RGS10: variants seen among roughly 807,000 people sequenced by gnomAD.
RGS10 encodes regulator of G protein signaling 10.
A neutral mutation model predicts 23.5 loss-of-function variants in RGS10; 11 were observed. The observed-to-expected ratio is 0.47, with a 90% confidence interval of 0.29 to 0.77. RGS10 has a LOEUF of 0.77. RGS10 is among the 30% of genes least tolerant of loss of function. RGS10 has a pLI of 0.08. For synonymous variants in RGS10, 77 were observed against 83.2 expected, an observed-to-expected ratio of 0.92 and a Z score of 0.41; for missense variants, 180 against 226.3, an observed-to-expected ratio of 0.80 and a Z score of 1.31.
intron 1 of RGS10, chr10:119,536,355 C>T: frequency 1.0e-6 from 1 of 972,080 alleles, no homozygotes; most frequent in South Asian, 1.5e-5. Flanking sequence ...CCACAGTCAC[C>T]TGTGCACCTC....
chr10:119,515,369 G>A, intron 4 of RGS10, 140 bp downstream of exon 4: 1 of 958,376 alleles, frequency 1.0e-6, no homozygotes, highest in Non-Finnish European at 1.6e-6. Context: ...CCCAACCATG[G>A]CCCCTCAGTG....
In RGS10 at chr10:119,524,452, C is replaced by G. The variant is rs11198996; in HGVS notation, c.255+1580G>C. Among the ~76,000 whole-genome samples the G allele has an allele frequency of 0.036, 5,531 of 152,220 alleles. 152 individuals carry two copies. Among genetic ancestry groups the G allele is most frequent in the East Asian group, 0.095 (493 of 5,180 alleles). ...ACCTCTAACACTCAAAAGAATAAGG[C>G]AGGGGAATGGACATCTGTTGGCTTG... On this transcript the variant is annotated intron_variant, in intron 3 of 4. Coordinates refer to ENST00000369103, the MANE Select transcript of RGS10 (RefSeq NM_001005339.2). This position sits in a 1 kb window ranked among gnomAD's most constrained non-coding sequence, Gnocchi z 5.2.
rs1422294259 is a variant in RGS10, at chr10:119,512,012, G to GCTA, written c.399+3496_399+3497insTAG. ...AGCTCTCCTTTAAACAGGGTGCATG[G>GCTA]GAGTTGGCTCATCTAGCCTGGGGCT... is the stretch of plus-strand genomic sequence containing the variant. On this transcript the variant is annotated intron_variant, in intron 4 of 4. Coordinates refer to ENST00000369103, the MANE Select transcript of RGS10 (RefSeq NM_001005339.2). 2.0e-5 allele frequency among the ~76,000 whole-genome samples: 3 copies of GCTA among 152,336 alleles called. No homozygotes were observed. The East Asian group carries it at 5.8e-4, about 29-fold the overall frequency.
intron 3 of RGS10, among the ~76,000 whole-genome samples, chr10:119,515,912 A>T (rs2133950577): frequency 6.6e-6 from 1 of 152,340 alleles, no homozygotes; most frequent in East Asian, 1.9e-4. Context: ...TTCAGAAGTG[A>T]TGACAGAAAG....
chr10:119,500,084 A>C lies in RGS10; in HGVS notation c.*29T>G, dbSNP rs1165481152. On this transcript the variant is annotated 3_prime_UTR_variant, in exon 5 of 5. Transcript: ENST00000369103. The stretch of plus-strand genomic sequence containing the variant: ...CTGAGAGGAAATTCCTTTGCTTCTT[A>C]AAGCTGCCAGTCCCGGCTTTTTGGG... The C allele has an allele frequency of 3.1e-6, 5 of 1,606,396 alleles. No homozygotes were observed. Among genetic ancestry groups the C allele is most frequent in the Non-Finnish European group, 4.2e-6 (5 of 1,177,510 alleles).
intron 4 of RGS10, among the ~76,000 whole-genome samples, chr10:119,514,215 G>A (rs973296227): frequency 5.9e-5 from 9 of 152,068 alleles, no homozygotes; most frequent in African/African-American, 2.2e-4. Context: ...AAATTAGCCG[G>A]GCGTGGTGGT....
intron 4 of RGS10, among the ~76,000 whole-genome samples, chr10:119,505,219 G>A (rs867762349): frequency 1.3e-5 from 2 of 152,118 alleles, no homozygotes; most frequent in African/African-American, 4.8e-5. Context: ...GAGGCCGCAG[G>A]TGAGTGGAAG....
At chr10:119,542,306 T>C (rs891341473) in intron 1 of RGS10, among the ~76,000 whole-genome samples, 3 of 152,138 alleles carry the variant, frequency 2.0e-5, no homozygotes, top group Non-Finnish European at 2.9e-5. Context: ...AGTTTGGAGA[T>C]TTGGGGCGCT....
At position 119,530,084 on chromosome 10, in the gene RGS10, C is replaced by G. The variant is rs565506811; in HGVS notation, c.50-2660G>C. Among the ~76,000 whole-genome samples, 5 of 152,116 alleles carry G rather than the reference C, an allele frequency of 3.3e-5. No individual in the cohort carries two copies. The South Asian group carries it at 1.0e-3, about 32-fold the overall frequency. ...TCCAGCCTGGTGACAGAGCGAGACT[C>G]CATCTGATTAAATAAATACATAAAT... On this transcript the variant is annotated intron_variant, in intron 1 of 4. Transcript: ENST00000369103.
Position 119,527,652 on chromosome 10 carries a change from G to A in RGS10, c.50-228C>T, listed in dbSNP as rs1398906340. ...TACAGATGGGGGTAAACTGAGGCTC[G>A]GAGGGATGAAGGGACCTGCTGTTTC... On this transcript the variant is annotated intron_variant, in intron 1 of 4. Coordinates refer to ENST00000369103, the MANE Select transcript of RGS10 (RefSeq NM_001005339.2). The surrounding 1 kb of genome is among the most constrained non-coding windows in gnomAD (Gnocchi z 4.2). Among the ~76,000 whole-genome samples the A allele has an allele frequency of 6.6e-5, 10 of 152,196 alleles. No homozygotes were observed. The highest frequency in any genetic ancestry group is 3.4e-3 in the Middle Eastern group (1 of 294).
At chr10:119,541,147 G>T (rs1844431708) in intron 1 of RGS10, among the ~76,000 whole-genome samples, 1 of 152,194 alleles carries the variant, frequency 6.6e-6, no homozygotes, top group Non-Finnish European at 1.5e-5. Context: ...CAAGTAATTT[G>T]CCCAGTGTTG....
intron 1 of RGS10, 142 bp downstream of exon 1, chr10:119,542,448 C>T: frequency 6.4e-6 from 4 of 629,906 alleles, no homozygotes; most frequent in Non-Finnish European, 9.4e-6. Flanking sequence ...CGGTACCCAG[C>T]GGGGAGAGGT....
chr10:119,533,385 G>A (rs10886508), intron 1 of RGS10, among the ~76,000 whole-genome samples: 39,366 of 152,008 alleles, frequency 0.26, 5,479 homozygotes, highest in East Asian at 0.49. Context: ...CAAGGTGGAA[G>A]GGGAAGCAGG....
chr10:119,539,864 C>T (rs1844421155), intron 1 of RGS10, among the ~76,000 whole-genome samples: 1 of 151,580 alleles, frequency 6.6e-6, no homozygotes, highest in Non-Finnish European at 1.5e-5. Flanking sequence ...CAGCCAGGTC[C>T]AAATCAGGGG....
chr10:119,525,853 T>C (rs57818666), intron 3 of RGS10, among the ~76,000 whole-genome samples, 179 bp downstream of exon 3: 6,907 of 152,276 alleles, frequency 0.045, 306 homozygotes, highest in East Asian at 0.12. Context: ...CATTTAAAAA[T>C]GGATTAACTC....
At chr10:119,531,301 C>T (rs1746120608) in intron 1 of RGS10, among the ~76,000 whole-genome samples, 1 of 152,212 alleles carries the variant, frequency 6.6e-6, no homozygotes, top group Admixed American at 6.5e-5. Flanking sequence ...GCAAATTTCT[C>T]TTGCCATGGC....
chr10:119,507,708 C>T (rs1844031720), intron 4 of RGS10, among the ~76,000 whole-genome samples: 1 of 151,328 alleles, frequency 6.6e-6, no homozygotes, highest in Admixed American at 6.6e-5. Context: ...ACCCAGACTC[C>T]CAAGTAGCTG....
At chr10:119,535,683 A>G (rs1241102451) in intron 1 of RGS10, among the ~76,000 whole-genome samples, 1 of 152,208 alleles carries the variant, frequency 6.6e-6, no homozygotes, top group African/African-American at 2.4e-5. Context: ...CTCACTATCC[A>G]GTTTCCTCAA....
At chr10:119,510,033 A>G (rs1272896915) in intron 4 of RGS10, among the ~76,000 whole-genome samples, 2 of 152,174 alleles carry the variant, frequency 1.3e-5, no homozygotes, top group African/African-American at 4.8e-5. Context: ...TCAGGAGGTC[A>G]GGGTTTCACG....
Sources: gnomAD v4.1 joint callset for allele counts (sites outside exome capture counted in the v4.1 genomes callset) on GRCh38, gnomAD v4.1.1 for gene constraint, Gnocchi (gnomAD v3.1) non-coding constraint, MANE v1.5 for transcripts, NCBI Gene and HGNC (gene_info 2026-07-23, HGNC 2026-07-21) for gene names.